The following TRHDE variants were observed in gnomAD, a reference collection of about 807,000 sequenced individuals.
TRHDE encodes thyrotropin releasing hormone degrading enzyme.
In TRHDE, 72 loss-of-function variants were observed where a neutral mutation model predicts 125.7. That is an observed-to-expected ratio of 0.57 (90% CI 0.47 to 0.70). The LOEUF (loss-of-function observed/expected upper bound fraction) is 0.70. TRHDE is among the 30% of genes least tolerant of loss of function. The probability of loss-of-function intolerance (pLI) is 0.00; values close to 1 mark genes in which losing one functional copy is unlikely to be tolerated. For missense variants in TRHDE, 1,110 were observed against 1,327.1 expected (o/e 0.84, Z 2.54); for synonymous variants, 509 against 509.1 (o/e 1.00, Z 0.00).
chr12:72,572,058 T>C (rs981313161), intron 10 of TRHDE, among the ~76,000 whole-genome samples: 2 of 129,050 alleles, frequency 1.5e-5, no homozygotes, highest in African/African-American at 7.3e-5. Context: ...GATCTGTCAG[T>C]TATTTAATAT....
chr12:72,475,080 A>G (rs1876828559), intron 5 of TRHDE, among the ~76,000 whole-genome samples: 1 of 152,146 alleles, frequency 6.6e-6, no homozygotes, highest in Non-Finnish European at 1.5e-5. Context: ...TTTGGCATTC[A>G]AATTAATTAA....
At chr12:72,277,502 A>G (rs978123306) in intron 1 of TRHDE, among the ~76,000 whole-genome samples, 3 of 152,170 alleles carry the variant, frequency 2.0e-5, no homozygotes, top group Admixed American at 1.3e-4. Context: ...AGGACTGTGA[A>G]CTGAAAAAAA....
chr12:72,090,515 C>T (rs922090164), intron 1 of TRHDE, among the ~76,000 whole-genome samples: 13 of 152,066 alleles, frequency 8.5e-5, no homozygotes, highest in Admixed American at 6.5e-4. Flanking sequence ...TAAGAGAGAA[C>T]TGCAAAATTT....
rs554081181 is a variant in TRHDE, at chr12:72,640,112, G to A, written c.2676-12210G>A. Among the ~76,000 whole-genome samples the A allele has an allele frequency of 9.9e-5, 15 of 152,270 alleles. No homozygotes were observed. In the East Asian group the frequency reaches 1.4e-3, roughly 14 times the overall value. On this transcript the variant is annotated intron_variant, in intron 15 of 18. Coordinates refer to ENST00000261180, the MANE Select transcript of TRHDE (RefSeq NM_013381.3). ...ACGCCCCTCCCCCAGCCTCGCTGCCGCCTTGCAGTTTGATCTCAGACTGCT... is the reference window on the plus strand; with the variant it reads ...ACGCCCCTCCCCCAGCCTCGCTGCCACCTTGCAGTTTGATCTCAGACTGCT...
At chr12:72,460,668 A>C (rs1475487507) in intron 3 of TRHDE, among the ~76,000 whole-genome samples, 2 of 152,156 alleles carry the variant, frequency 1.3e-5, no homozygotes, top group Non-Finnish European at 1.5e-5. Context: ...TTGTTATATA[A>C]CAAGTATTAG....
chr12:72,222,535 T>G (rs1009166751), intron 2 of TRHDE, among the ~76,000 whole-genome samples: 3 of 149,730 alleles, frequency 2.0e-5, no homozygotes, highest in Non-Finnish European at 4.5e-5. Flanking sequence ...TTGTTATGTC[T>G]GGGGATAAGA....
chr12:72,428,273 A>G (rs570936834), intron 3 of TRHDE, among the ~76,000 whole-genome samples: 4 of 152,214 alleles, frequency 2.6e-5, no homozygotes, highest in African/African-American at 9.6e-5. Context: ...AGCATATTGT[A>G]AGATTTGGAT....
chr12:72,246,600 A>G (rs868072230), intron 2 of TRHDE, among the ~76,000 whole-genome samples: 2 of 152,194 alleles, frequency 1.3e-5, no homozygotes, highest in African/African-American at 4.8e-5. Context: ...GACTCGCTTA[A>G]CATAAATAGC....
chr12:72,526,915 A>G (rs1868347545), intron 6 of TRHDE, among the ~76,000 whole-genome samples: 1 of 152,182 alleles, frequency 6.6e-6, no homozygotes, highest in Non-Finnish European at 1.5e-5. Context: ...AAGTTTGGGA[A>G]TCAGAAAAGA....
intron 3 of TRHDE, among the ~76,000 whole-genome samples, chr12:72,447,384 T>C (rs1393529173): frequency 6.6e-6 from 1 of 152,122 alleles, no homozygotes; most frequent in Non-Finnish European, 1.5e-5. Flanking sequence ...GAGGGAAATT[T>C]ATAGCACTAA....
chr12:72,194,528 C>A (rs1408735305), intron 2 of TRHDE, among the ~76,000 whole-genome samples: 3 of 152,034 alleles, frequency 2.0e-5, no homozygotes, highest in African/African-American at 7.2e-5. Context: ...TTTTTCAAAT[C>A]TTTCCCCCCT....
chr12:72,156,596 A>G (rs572732930), intron 2 of TRHDE, among the ~76,000 whole-genome samples: 1 of 152,300 alleles, frequency 6.6e-6, no homozygotes, highest in Non-Finnish European at 1.5e-5. Context: ...ATAGGAAGAA[A>G]AAAGATTGCA....
chr12:72,411,861 C>T (rs1439855506), intron 3 of TRHDE, among the ~76,000 whole-genome samples: 1 of 152,070 alleles, frequency 6.6e-6, no homozygotes, highest in Admixed American at 6.6e-5. Context: ...GAAGAGATAA[C>T]TTTGCAGATT....
intron 3 of TRHDE, among the ~76,000 whole-genome samples, chr12:72,399,465 A>G (rs150411253): frequency 1.9e-3 from 291 of 152,278 alleles, no homozygotes; most frequent in African/African-American, 6.3e-3. Context: ...ATAATAATAA[A>G]CTACTCTTGT....
At position 72,332,810 on chromosome 12, in the gene TRHDE, A is replaced by G. The variant is rs144599454; in HGVS notation, c.1189-45185A>G. 1.6e-4 allele frequency among the ~76,000 whole-genome samples: 24 copies of G among 152,320 alleles called. No homozygotes were observed. In the East Asian group the frequency reaches 3.7e-3, roughly 23 times the overall value. ...GTGATCAGCAGCATCAGTATTGGGC[A>G]TCATCTCGGAGTTTGTTAGAAATGC... is the stretch of plus-strand genomic sequence containing the variant. On this transcript the variant is annotated intron_variant, in intron 2 of 18. Coordinates refer to ENST00000261180, the MANE Select transcript of TRHDE (RefSeq NM_013381.3).
chr12:72,618,953 A>C lies in TRHDE; in HGVS notation c.2384A>C (p.Asp795Ala), dbSNP rs775462397. Residue 795 changes from aspartate (D) to alanine (A), a missense_variant, in exon 13 of 19, where the codon GAT (aspartate) becomes GCT (alanine). This residue lies in a region of TRHDE where 527 missense variants were observed against 651.8 expected (regional missense o/e 0.81). Coordinates refer to ENST00000261180, the MANE Select transcript of TRHDE (RefSeq NM_013381.3). ...ATCAGATACCTGTCTGAGGAGAAGG[A>C]TTTTCTTCCTTGGCATGCTGCCAGC... ...EIIRYLSEEKDFLPWHAASRA... is the reference protein window; with the variant it reads ...EIIRYLSEEKAFLPWHAASRA... 1.9e-6 allele frequency: 3 copies of C among 1,599,258 alleles called. No homozygotes were observed. The highest frequency in any genetic ancestry group is 2.6e-6 in the Non-Finnish European group (3 of 1,172,224).
rs552635523 is a variant in TRHDE, at chr12:72,321,545, C to A, written c.1188+34591C>A. On this transcript the variant is annotated intron_variant, in intron 2 of 18. Coordinates refer to ENST00000261180, the MANE Select transcript of TRHDE (RefSeq NM_013381.3). ...TTCACCTTGCATTTGATGCTACATA[C>A]ATCTAAGGAAGAAGACATTTGTGAG... is the stretch of plus-strand genomic sequence containing the variant. 3.3e-5 allele frequency among the ~76,000 whole-genome samples: 5 copies of A among 152,240 alleles called. No homozygotes were observed. The East Asian group carries it at 9.6e-4, about 29-fold the overall frequency.
At chr12:72,484,939 C>G (rs1474758895) in intron 5 of TRHDE, among the ~76,000 whole-genome samples, 1 of 152,140 alleles carries the variant, frequency 6.6e-6, no homozygotes, top group Admixed American at 6.5e-5. Flanking sequence ...CACAGAAACT[C>G]AGGATGGCTA....
chr12:72,633,988 C>T (rs1873608494), intron 15 of TRHDE, among the ~76,000 whole-genome samples: 1 of 151,984 alleles, frequency 6.6e-6, no homozygotes, highest in African/African-American at 2.4e-5. Flanking sequence ...GTGTCATTAT[C>T]AAATATTGAG....
Sources: allele counts gnomAD v4.1 joint callset (sites outside exome capture counted in the v4.1 genomes callset), GRCh38; gene constraint gnomAD v4.1.1; regional missense constraint gnomAD v4.1.1; transcripts MANE v1.5; gene names NCBI Gene and HGNC (gene_info 2026-07-23, HGNC 2026-07-21).